MSI2: variants seen among roughly 807,000 people sequenced by gnomAD.
The protein encoded by MSI2 is musashi RNA binding protein 2.
A neutral mutation model predicts 45.6 loss-of-function variants in MSI2; 17 were observed. The observed-to-expected ratio is 0.37, with a 90% CI of 0.26 to 0.56. MSI2 has a LOEUF of 0.56. Among genes scored for constraint, MSI2 ranks in the 20% least tolerant of loss-of-function variants. The probability of loss-of-function intolerance (pLI) is 0.77; values close to 1 mark genes in which losing one functional copy is unlikely to be tolerated. For missense variants in MSI2, 293 were observed against 444.2 expected, an observed-to-expected ratio of 0.66 and a Z score of 3.06; for synonymous variants, 156 against 158.2, an observed-to-expected ratio of 0.99 and a Z score of 0.11.
intron 6 of MSI2, among the ~76,000 whole-genome samples, chr17:57,432,181 A>T (rs1017287273): frequency 2.6e-5 from 4 of 152,206 alleles, no homozygotes; most frequent in Admixed American, 6.5e-5. Flanking sequence ...CTGGTGGATG[A>T]GAATCACGGA....
At chr17:57,293,595 G>GTTTTTTTTTT (rs71139983) in intron 5 of MSI2, among the ~76,000 whole-genome samples, 6 of 134,700 alleles carry the variant, frequency 4.5e-5, no homozygotes, top group Non-Finnish European at 6.1e-5. Flanking sequence ...TTGTTTTTTT[G>GTTTTTTTTTT]TTTTTTTTTT....
intron 5 of MSI2, among the ~76,000 whole-genome samples, chr17:57,311,713 C>T (rs1912414871): frequency 6.6e-6 from 1 of 152,074 alleles, no homozygotes; most frequent in African/African-American, 2.4e-5. Flanking sequence ...GGCTGCTATG[C>T]CCGGTAATTT....
At chr17:57,619,090 G>A (rs1193494965) in intron 9 of MSI2, among the ~76,000 whole-genome samples, 1 of 152,196 alleles carries the variant, frequency 6.6e-6, no homozygotes, top group Non-Finnish European at 1.5e-5. Context: ...GTGTGAAGCG[G>A]AGCCAGCTCA....
intron 5 of MSI2, among the ~76,000 whole-genome samples, chr17:57,337,285 C>G (rs1914758114): frequency 6.6e-6 from 1 of 152,194 alleles, no homozygotes; most frequent in Admixed American, 6.5e-5. Context: ...TTCCACGGCC[C>G]CACAGAGTGG....
intron 10 of MSI2, chr17:57,629,290 G>C (rs1340005028): frequency 6.6e-6 from 1 of 152,162 alleles, no homozygotes; most frequent in Non-Finnish European, 1.5e-5. Flanking sequence ...TGAGCCGGGC[G>C]TGGTGCCCGG....
chr17:57,378,031 C>T (rs1201337344), intron 5 of MSI2, among the ~76,000 whole-genome samples: 1 of 150,000 alleles, frequency 6.7e-6, no homozygotes, highest in Non-Finnish European at 1.5e-5. Context: ...ACCGAGATTG[C>T]ACCACTGCAC....
At chr17:57,647,344 A>G (rs6503826) in intron 10 of MSI2, among the ~76,000 whole-genome samples, 100,797 of 146,980 alleles carry the variant, frequency 0.69, 35,280 homozygotes, top group African/African-American at 0.8. Context: ...AGCTACTTGG[A>G]AGGCTGTGAC....
At chr17:57,311,162 G>A (rs139530273) in intron 5 of MSI2, among the ~76,000 whole-genome samples, 1 of 152,298 alleles carries the variant, frequency 6.6e-6, no homozygotes, top group East Asian at 1.9e-4. Flanking sequence ...CCCACTGGTG[G>A]CTTGTGCCTG....
In MSI2 at chr17:57,430,063, C is replaced by T. The variant is rs181426480; in HGVS notation, c.405+28592C>T. 1.2e-4 allele frequency among the ~76,000 whole-genome samples: 19 copies of T among 152,270 alleles called. No homozygotes were observed. The East Asian group carries it at 2.1e-3, about 17-fold the overall frequency. On this transcript the variant is annotated intron_variant, in intron 6 of 13. Coordinates refer to ENST00000284073, the MANE Select transcript of MSI2 (RefSeq NM_138962.4). Reference sequence around the variant, plus strand: ...CCTCACACACAGTGAATTCTCAATCCGATGTTTATTTAAATCATATGTGCC... The same window carrying T: ...CCTCACACACAGTGAATTCTCAATCTGATGTTTATTTAAATCATATGTGCC...
At chr17:57,377,171 T>C (rs564923363) in intron 5 of MSI2, among the ~76,000 whole-genome samples, 82 of 152,258 alleles carry the variant, frequency 5.4e-4, no homozygotes, top group African/African-American at 1.7e-3. Flanking sequence ...CTGCCCACCT[T>C]GGCCTCCCAA....
At chr17:57,278,843 T>A (rs905559783) in intron 5 of MSI2, 11 of 152,330 alleles carry the variant, frequency 7.2e-5, no homozygotes, top group Admixed American at 7.2e-4. Flanking sequence ...TCCCTCCTGA[T>A]GAGATGGTTT....
intron 5 of MSI2, among the ~76,000 whole-genome samples, chr17:57,284,100 T>C (rs1023102279): frequency 2.0e-5 from 3 of 152,218 alleles, no homozygotes; most frequent in Admixed American, 6.5e-5. Flanking sequence ...ATTTTCCTTT[T>C]TAATTCTCAA....
chr17:57,648,133 G>A (rs961093272), intron 10 of MSI2, among the ~76,000 whole-genome samples: 2 of 13,106 alleles, frequency 1.5e-4, no homozygotes, highest in African/African-American at 4.1e-4. Flanking sequence ...TGGCTAATTC[G>A]TGTGTGTGTG....
chr17:57,654,949 A>G lies in MSI2; in HGVS notation c.790+2788A>G, dbSNP rs553977225. The stretch of plus-strand genomic sequence containing the variant: ...TTTTTTTTTCCTTCCATTATGACTT[A>G]TAGGGGAAGCTTCCTGAAGTGAGAA... On this transcript the variant is annotated intron_variant, in intron 11 of 13. Transcript: ENST00000284073. Among the ~76,000 whole-genome samples, 3 of 119,218 alleles carry G rather than the reference A, an allele frequency of 2.5e-5. No homozygotes were observed. In the East Asian group the frequency reaches 7.4e-4, roughly 30 times the overall value. The allele number at this position is 119,218 out of a possible 152,430, so 78.2% of individuals were successfully genotyped here.
intron 11 of MSI2, among the ~76,000 whole-genome samples, chr17:57,669,598 T>A (rs759243455): frequency 7.2e-5 from 11 of 152,178 alleles, no homozygotes; most frequent in Non-Finnish European, 1.5e-4. Context: ...TGTGATAACT[T>A]TATTTAGTTT....
chr17:57,289,239 AG>A (rs1469252734), intron 5 of MSI2, among the ~76,000 whole-genome samples: 1 of 152,168 alleles, frequency 6.6e-6, no homozygotes, highest in African/African-American at 2.4e-5. Flanking sequence ...GTGAAAGGGC[AG>A]GGAGAGGGGA....
chr17:57,674,927 G>A, intron 11 of MSI2, 45 bp from the exon 12 acceptor site: 4 of 1,609,914 alleles, frequency 2.5e-6, no homozygotes, highest in Non-Finnish European at 2.5e-6. Context: ...GTCCTGAATA[G>A]CTACAGTGCT....
chr17:57,527,109 T>C (rs1318481049), intron 6 of MSI2, among the ~76,000 whole-genome samples: 1 of 152,214 alleles, frequency 6.6e-6, no homozygotes, highest in Non-Finnish European at 1.5e-5. Context: ...TGAGTCCCAG[T>C]ACCAAAACAT....
chr17:57,635,747 G>A (rs777228172), intron 10 of MSI2, among the ~76,000 whole-genome samples: 51 of 152,332 alleles, frequency 3.3e-4, no homozygotes, highest in East Asian at 1.4e-3. Flanking sequence ...CTTCAGCAAC[G>A]GAAAACAGGT....
Sources: allele counts gnomAD v4.1 joint callset (sites outside exome capture counted in the v4.1 genomes callset), GRCh38; gene constraint gnomAD v4.1.1; transcripts MANE v1.5; gene names NCBI Gene and HGNC (gene_info 2026-07-23, HGNC 2026-07-21).